Variants in NRXN1 observed in about 807,000 individuals in gnomAD.
The protein encoded by NRXN1 is neurexin 1.
Under a neutral mutation model 150.9 loss-of-function variants are expected in NRXN1, and 39 were observed. The observed-to-expected ratio is 0.26, with a 90% CI of 0.20 to 0.34. The LOEUF (loss-of-function observed/expected upper bound fraction) is 0.34, where lower values mean the gene tolerates loss of function less well. NRXN1 is among the 10% of genes least tolerant of loss of function. The pLI, the probability that NRXN1 is intolerant of heterozygous loss-of-function variation, is 1.00. For synonymous variants in NRXN1, 924 were observed against 757.0 expected (o/e 1.22, Z -3.62); for missense variants, 1,815 against 1,949.9 (o/e 0.93, Z 1.30).
intron 5 of NRXN1, among the ~76,000 whole-genome samples, chr2:50,716,940 T>C (rs1287470998): frequency 6.6e-6 from 1 of 152,196 alleles, no homozygotes; most frequent in Non-Finnish European, 1.5e-5. Flanking sequence ...CATTTATTCA[T>C]TATGGCTAAA....
At chr2:50,785,764 A>G (rs1705028613) in intron 5 of NRXN1, among the ~76,000 whole-genome samples, 2 of 152,128 alleles carry the variant, frequency 1.3e-5, no homozygotes, top group Non-Finnish European at 2.9e-5. Context: ...ATGAAGCAGA[A>G]GTCACGTGGG....
At chr2:50,350,472 A>G (rs1369194390) in intron 17 of NRXN1, among the ~76,000 whole-genome samples, 6 of 152,206 alleles carry the variant, frequency 3.9e-5, no homozygotes, top group Admixed American at 2.6e-4. Context: ...GTCTTGTTCA[A>G]CTTCAGCCAG....
chr2:49,960,107 C>T (rs527516323), intron 21 of NRXN1, among the ~76,000 whole-genome samples: 1 of 152,234 alleles, frequency 6.6e-6, no homozygotes, highest in Admixed American at 6.5e-5. Flanking sequence ...CAGGTGCAAA[C>T]TCAAGGGAGA....
intron 2 of NRXN1, among the ~76,000 whole-genome samples, chr2:51,015,365 C>T (rs1183821917): frequency 6.6e-6 from 1 of 152,054 alleles, no homozygotes; most frequent in East Asian, 1.9e-4. Context: ...GCAGAAGACA[C>T]TCAGAATTGT....
intron 18 of NRXN1, among the ~76,000 whole-genome samples, chr2:50,231,986 T>C (rs1464540668): frequency 2.0e-5 from 3 of 152,272 alleles, no homozygotes; most frequent in Non-Finnish European, 4.4e-5. Context: ...CTTCACAGTT[T>C]GCAAGTTATT....
intron 17 of NRXN1, among the ~76,000 whole-genome samples, chr2:50,263,187 C>CAT (rs1267939599): frequency 1.4e-5 from 2 of 143,992 alleles, no homozygotes; most frequent in Non-Finnish European, 3.1e-5. Context: ...CACACACACA[C>CAT]ACACACATAC....
chr2:50,313,280 C>G (rs1057216111), intron 17 of NRXN1, among the ~76,000 whole-genome samples: 5 of 152,034 alleles, frequency 3.3e-5, no homozygotes, highest in Non-Finnish European at 7.4e-5. Flanking sequence ...TAGTTCCCAC[C>G]CTAAGCTCTC....
At chr2:51,013,509 T>G (rs1668212242) in intron 2 of NRXN1, among the ~76,000 whole-genome samples, 1 of 151,930 alleles carries the variant, frequency 6.6e-6, no homozygotes, top group Non-Finnish European at 1.5e-5. Context: ...AGTATTTGTT[T>G]TGGGCTTTTT....
At chr2:50,668,142 T>C (rs1317331450) in intron 5 of NRXN1, among the ~76,000 whole-genome samples, 1 of 152,010 alleles carries the variant, frequency 6.6e-6, no homozygotes, top group African/African-American at 2.4e-5. Context: ...CAACAAAGCC[T>C]CCATTTTACT....
chr2:49,937,695 A>G (rs1236985292), intron 22 of NRXN1, among the ~76,000 whole-genome samples: 3 of 152,272 alleles, frequency 2.0e-5, no homozygotes, highest in South Asian at 2.1e-4. Context: ...TGTTCCCTCA[A>G]ATGGAACACT....
intron 2 of NRXN1, among the ~76,000 whole-genome samples, chr2:50,984,569 C>T (rs944148620): frequency 1.3e-5 from 2 of 151,984 alleles, no homozygotes; most frequent in Non-Finnish European, 2.9e-5. Context: ...CTTCCTGAGT[C>T]CTATAGGCTG....
intron 19 of NRXN1, among the ~76,000 whole-genome samples, chr2:50,089,680 C>T (rs1409985819): frequency 6.6e-6 from 1 of 151,234 alleles, no homozygotes; most frequent in Admixed American, 6.6e-5. Context: ...GTCCTAGCTA[C>T]TAGAGAGGCC....
intron 17 of NRXN1, among the ~76,000 whole-genome samples, chr2:50,352,150 G>A (rs1324568482): frequency 6.6e-6 from 1 of 152,032 alleles, no homozygotes; most frequent in Admixed American, 6.6e-5. Flanking sequence ...AAGAATACAG[G>A]GAGCCTACGT....
intron 17 of NRXN1, among the ~76,000 whole-genome samples, chr2:50,375,317 A>G (rs2080401909): frequency 6.6e-6 from 1 of 151,480 alleles, no homozygotes; most frequent in African/African-American, 2.4e-5. Context: ...GCCAAATACC[A>G]GCCAAATACT....
intron 5 of NRXN1, among the ~76,000 whole-genome samples, chr2:50,655,151 G>A (rs1686232327): frequency 6.6e-6 from 1 of 151,598 alleles, no homozygotes; most frequent in African/African-American, 2.4e-5. Flanking sequence ...GGACTGATCA[G>A]GTGAGCCATA....
intron 2 of NRXN1, among the ~76,000 whole-genome samples, chr2:50,983,624 C>T (rs548677478): frequency 1.2e-4 from 18 of 152,162 alleles, no homozygotes; most frequent in Middle Eastern, 3.4e-3. Context: ...TATTTGCCTA[C>T]ATACACATAT....
intron 18 of NRXN1, among the ~76,000 whole-genome samples, chr2:50,196,794 A>G (rs928158600): frequency 1.3e-5 from 2 of 152,182 alleles, no homozygotes; most frequent in African/African-American, 2.4e-5. Context: ...TTTCTCAGCA[A>G]ACTAATGCAG....
rs762185127 is a variant in NRXN1 at position 50,759,202 on chromosome 2, C to A, written c.833-135587G>T. On this transcript the variant is annotated intron_variant, in intron 5 of 22. Transcript: ENST00000401669. ...AATTGCATAATGCCAATGTATATTT[C>A]AAGGTAAGAACTAATAATACATCAA... 4.4e-4 allele frequency among the ~76,000 whole-genome samples: 67 copies of A among 151,982 alleles called. 1 individual carries two copies. In the Middle Eastern group the frequency reaches 0.024, roughly 54 times the overall value.
At chr2:50,112,700 C>A (rs1298240508) in intron 18 of NRXN1, among the ~76,000 whole-genome samples, 2 of 151,976 alleles carry the variant, frequency 1.3e-5, no homozygotes, top group East Asian at 3.9e-4. Context: ...TGTCCCAGGC[C>A]CATGTGGGGC....
Sources: gnomAD v4.1 joint callset for allele counts (sites outside exome capture counted in the v4.1 genomes callset) on GRCh38, gnomAD v4.1.1 for gene constraint, MANE v1.5 for transcripts, NCBI Gene and HGNC (gene_info 2026-07-23, HGNC 2026-07-21) for gene names.